The following PXDNL variants were observed in gnomAD, a reference collection of about 807,000 sequenced individuals.
PXDNL encodes probable oxidoreductase PXDNL.
A neutral mutation model predicts 150.8 loss-of-function variants in PXDNL; 145 were observed. The observed-to-expected ratio is 0.96, with a 90% CI of 0.84 to 1.10. The LOEUF (loss-of-function observed/expected upper bound fraction) is 1.10, where lower values mean the gene tolerates loss of function less well. Ranked by LOEUF, PXDNL falls within the 50% of genes least tolerant of loss-of-function variation. PXDNL has a pLI of 0.00. For synonymous variants in PXDNL, 757 were observed against 725.7 expected, an observed-to-expected ratio of 1.04 and a Z score of -0.69; for missense variants, 2,087 against 1,873.9, an observed-to-expected ratio of 1.11 and a Z score of -2.10.
At chr8:51,700,188 CACACA>C (rs775641580) in intron 1 of PXDNL, among the ~76,000 whole-genome samples, 119 of 151,360 alleles carry the variant, frequency 7.9e-4, no homozygotes, top group African/African-American at 2.7e-3. Context: ...CACACACACA[CACACA>C]CACCATCACA....
intron 2 of PXDNL, among the ~76,000 whole-genome samples, chr8:51,628,313 G>C (rs1401976464): frequency 6.6e-6 from 1 of 150,730 alleles, no homozygotes; most frequent in African/African-American, 2.5e-5. Context: ...ACAAGCTTTG[G>C]GAGAGGCTTC....
intron 2 of PXDNL, among the ~76,000 whole-genome samples, chr8:51,607,890 A>T (rs1205588314): frequency 2.4e-4 from 28 of 117,698 alleles, no homozygotes; most frequent in Non-Finnish European, 4.1e-4. Context: ...GGAAGGAAGG[A>T]AGGAAGGTGG....
intron 1 of PXDNL, among the ~76,000 whole-genome samples, chr8:51,713,468 G>A (rs1019247857): frequency 1.3e-5 from 2 of 152,200 alleles, no homozygotes; most frequent in Non-Finnish European, 2.9e-5. Context: ...CCCAGAAACA[G>A]AGCCTTCTGT....
chr8:51,330,744 T>C (rs926918128), intron 21 of PXDNL, among the ~76,000 whole-genome samples: 1 of 152,212 alleles, frequency 6.6e-6, no homozygotes, highest in Non-Finnish European at 1.5e-5. Context: ...AAAATTCATG[T>C]CTTTCTCACA....
chr8:51,678,831 A>G (rs1421314898), intron 1 of PXDNL, among the ~76,000 whole-genome samples: 23 of 152,202 alleles, frequency 1.5e-4, no homozygotes, highest in Admixed American at 1.5e-3. Context: ...ACTAACCTGC[A>G]CATTGTGCAC....
At chr8:51,629,071 A>C (rs1458957778) in intron 2 of PXDNL, among the ~76,000 whole-genome samples, 1 of 152,192 alleles carries the variant, frequency 6.6e-6, no homozygotes, top group Non-Finnish European at 1.5e-5. Context: ...CTAACTAGAC[A>C]AAGACTTTCA....
intron 4 of PXDNL, among the ~76,000 whole-genome samples, chr8:51,541,257 A>T (rs796537663): frequency 6.1e-5 from 9 of 147,088 alleles, no homozygotes; most frequent in South Asian, 2.2e-4. Flanking sequence ...ACTCCATAAA[A>T]AAAAAAAAAA....
At chr8:51,553,729 T>G (rs957903611) in intron 4 of PXDNL, among the ~76,000 whole-genome samples, 89 of 147,836 alleles carry the variant, frequency 6.0e-4, no homozygotes, top group Non-Finnish European at 1.6e-4. Context: ...ATTGCCTTAT[T>G]GTGAGGGATT....
chr8:51,382,725 A>G (rs1258343240), intron 17 of PXDNL, among the ~76,000 whole-genome samples: 1 of 152,178 alleles, frequency 6.6e-6, no homozygotes, highest in East Asian at 1.9e-4. Context: ...TGATCTCTGA[A>G]TGGTTAGAAT....
intron 1 of PXDNL, among the ~76,000 whole-genome samples, chr8:51,791,020 C>G (rs1431859541): frequency 6.6e-6 from 1 of 151,888 alleles, no homozygotes; most frequent in South Asian, 2.1e-4. Flanking sequence ...AGCTAACATT[C>G]GAATAGTTCC....
chr8:51,686,541 C>T (rs1481662912), intron 1 of PXDNL, among the ~76,000 whole-genome samples: 2 of 152,244 alleles, frequency 1.3e-5, no homozygotes, highest in African/African-American at 4.8e-5. Context: ...CCAGTATTTG[C>T]AGCACTCATT....
intron 19 of PXDNL, among the ~76,000 whole-genome samples, chr8:51,359,227 T>A (rs1806632979): frequency 6.6e-6 from 1 of 152,136 alleles, no homozygotes; most frequent in Non-Finnish European, 1.5e-5. Context: ...AGTGAAAACA[T>A]GACCCAAGAG....
chr8:51,741,662 T>C (rs1405766334), intron 1 of PXDNL, among the ~76,000 whole-genome samples: 5 of 152,176 alleles, frequency 3.3e-5, no homozygotes, highest in South Asian at 2.1e-4. Context: ...TGAAACAAAA[T>C]AGAGAACCCC....
At chr8:51,504,526 C>G (rs1243967686) in intron 4 of PXDNL, among the ~76,000 whole-genome samples, 1 of 152,192 alleles carries the variant, frequency 6.6e-6, no homozygotes, top group Non-Finnish European at 1.5e-5. Flanking sequence ...TTACTGTGCT[C>G]TTTCCTTGGA....
chr8:51,421,300 A>G (rs1238897188), intron 14 of PXDNL, among the ~76,000 whole-genome samples: 1 of 152,246 alleles, frequency 6.6e-6, no homozygotes, highest in Non-Finnish European at 1.5e-5. Context: ...GAATAGCAAA[A>G]TGTGAACTCC....
intron 4 of PXDNL, among the ~76,000 whole-genome samples, chr8:51,508,505 G>C (rs867102735): frequency 6.6e-6 from 1 of 152,226 alleles, no homozygotes; most frequent in African/African-American, 2.4e-5. Flanking sequence ...CTTCCAGGAT[G>C]CCATCCTCCC....
At position 51,628,399 on chromosome 8, in the gene PXDNL, C is replaced by CTTTTTTTTTTTTTTTTTTTTT. The variant is rs71550276; in HGVS notation, c.236+26269_236+26289dup. Among the ~76,000 whole-genome samples the CTTTTTTTTTTTTTTTTTTTTT allele has an allele frequency of 1.1e-3, 80 of 69,782 alleles. 1 individual carries two copies. Among genetic ancestry groups the CTTTTTTTTTTTTTTTTTTTTT allele is most frequent in the East Asian group, 1.7e-3 (3 of 1,768 alleles). 45.8% of individuals were successfully genotyped at this position (69,782 alleles called of 152,430 possible). ...ATCTCTCTCTGTTTTCTTTTCTTTT[C>CTTTTTTTTTTTTTTTTTTTTT]TTTTTTTTTTTTTTTTTTTTTTTGG... On this transcript the variant is annotated intron_variant, in intron 2 of 22. Transcript: ENST00000356297.
At chr8:51,321,950 G>A (rs531966197) in intron 21 of PXDNL, among the ~76,000 whole-genome samples, 94 of 129,934 alleles carry the variant, frequency 7.2e-4, no homozygotes, top group Non-Finnish European at 9.1e-4. Flanking sequence ...ATAGGGCCTC[G>A]AAGGATGTAA....
chr8:51,559,158 T>C (rs1457759474), intron 3 of PXDNL, among the ~76,000 whole-genome samples: 3 of 152,006 alleles, frequency 2.0e-5, no homozygotes, highest in African/African-American at 7.2e-5. Context: ...TAACATTTTA[T>C]AATTCTCAAG....
Sources: allele counts gnomAD v4.1 joint callset (sites outside exome capture counted in the v4.1 genomes callset), GRCh38; gene constraint gnomAD v4.1.1; transcripts MANE v1.5; gene names NCBI Gene and HGNC (gene_info 2026-07-23, HGNC 2026-07-21).